The following RAB11FIP3 variants were observed in gnomAD, a reference collection of about 807,000 sequenced individuals.
RAB11FIP3 encodes rab11 family-interacting protein 3.
A neutral mutation model predicts 77.8 loss-of-function variants in RAB11FIP3; 17 were observed. The observed-to-expected ratio is 0.22, with a 90% CI of 0.15 to 0.33. The LOEUF (loss-of-function observed/expected upper bound fraction) is 0.33. Ranked by LOEUF, RAB11FIP3 falls within the 10% of genes least tolerant of loss-of-function variation. The pLI, the probability that RAB11FIP3 is intolerant of heterozygous loss-of-function variation, is 1.00. For missense variants in RAB11FIP3, 1,005 were observed against 1,011.2 expected (o/e 0.99, Z 0.08); for synonymous variants, 437 against 448.2 (o/e 0.98, Z 0.31).
Position 426,000 on chromosome 16 carries a change from C to G in RAB11FIP3, c.-7C>G, listed in dbSNP as rs2054932486. The G allele has an allele frequency of 2.0e-6, 2 of 982,718 alleles. No homozygotes were observed. Among genetic ancestry groups the G allele is most frequent in the African/African-American group, 1.8e-5 (1 of 56,556 alleles). The allele number at this position is 982,718 out of a possible 1,614,324, so 60.9% of individuals were successfully genotyped here. A position where few individuals can be genotyped will look rare whatever the true frequency, so the allele number is the denominator to read the frequency against. ...GCGCCCTTCCGCACCACTAGCCTCT[C>G]GGGAGCATGGCGTCGGCCCCGCCGG... On this transcript the variant is annotated 5_prime_UTR_variant, in exon 1 of 14. Transcript: ENST00000262305.
At chr16:511,927 C>T (rs1596298704) in intron 9 of RAB11FIP3, among the ~76,000 whole-genome samples, 1 of 139,796 alleles carries the variant, frequency 7.2e-6, no homozygotes, top group Admixed American at 7.1e-5. Flanking sequence ...GGAGAAGTTC[C>T]CCGACGGCCC....
intron 1 of RAB11FIP3, among the ~76,000 whole-genome samples, chr16:459,970 C>T (rs771240803): frequency 3.3e-5 from 5 of 150,976 alleles, no homozygotes; most frequent in South Asian, 2.1e-4. Context: ...TTCTGCCTTC[C>T]GGGTTTAAGC....
intron 1 of RAB11FIP3, among the ~76,000 whole-genome samples, chr16:454,945 G>T (rs2055471219): frequency 1.3e-5 from 2 of 151,606 alleles, no homozygotes; most frequent in African/African-American, 4.9e-5. Context: ...AGTTACTTGG[G>T]AGGCTGAGGC....
rs1233833566 is a variant in RAB11FIP3, at chr16:514,131, A to G, written c.1640+3331A>G. Among the ~76,000 whole-genome samples the G allele has an allele frequency of 6.6e-6, 1 of 152,054 alleles. No homozygotes were observed. Among genetic ancestry groups the G allele is most frequent in the African/African-American group, 2.4e-5 (1 of 41,404 alleles). Reference sequence around the variant, plus strand: ...TGTGAGCAAGCCGCCTGCCCACCCTAAGCGCTTGGGGTCAGTGCCACCGTG... The same window carrying G: ...TGTGAGCAAGCCGCCTGCCCACCCTGAGCGCTTGGGGTCAGTGCCACCGTG... On this transcript the variant is annotated intron_variant, in intron 9 of 13. Transcript: ENST00000262305. The surrounding 1 kb of genome is among the most constrained non-coding windows in gnomAD (Gnocchi z 4.6).
chr16:428,713 C>T (rs2054991081), intron 1 of RAB11FIP3, among the ~76,000 whole-genome samples: 1 of 152,102 alleles, frequency 6.6e-6, no homozygotes, highest in Non-Finnish European at 1.5e-5. Context: ...TGTGGTGGCT[C>T]ACAATATCCC....
At chr16:502,967 T>C in intron 6 of RAB11FIP3, 37 bp from the exon 7 acceptor site, 1 of 1,516,888 alleles carries the variant, frequency 6.6e-7, no homozygotes, top group East Asian at 2.3e-5. Context: ...CTGTGGTTTT[T>C]CCCTTTCTTC....
At chr16:440,791 C>T (rs1216299109) in intron 1 of RAB11FIP3, among the ~76,000 whole-genome samples, 2 of 152,226 alleles carry the variant, frequency 1.3e-5, no homozygotes, top group Admixed American at 6.5e-5. Flanking sequence ...CCCTGCCATC[C>T]CTGCTGGTTC....
At chr16:446,900 C>G (rs1449472249) in intron 1 of RAB11FIP3, among the ~76,000 whole-genome samples, 1 of 152,008 alleles carries the variant, frequency 6.6e-6, no homozygotes, top group Non-Finnish European at 1.5e-5. Flanking sequence ...GGGGTTTCAC[C>G]ATGTTGGCCA....
At position 492,505 on chromosome 16, in the gene RAB11FIP3, C is replaced by T. The variant is rs571475327; in HGVS notation, c.1265+3505C>T. Reference sequence around the variant, plus strand: ...AGGGCCCTCCCGGGAGACCCGAGGCCGCCCAGGGCCCTCCCGGGAGACCCG... The same window carrying T: ...AGGGCCCTCCCGGGAGACCCGAGGCTGCCCAGGGCCCTCCCGGGAGACCCG... On this transcript the variant is annotated intron_variant, in intron 5 of 13. Coordinates refer to ENST00000262305, the MANE Select transcript of RAB11FIP3 (RefSeq NM_014700.4). 2.1e-4 allele frequency among the ~76,000 whole-genome samples: 23 copies of T among 110,664 alleles called. 1 individual carries two copies. The highest frequency in any genetic ancestry group is 6.5e-4 in the African/African-American group (22 of 33,870). 72.6% of individuals were successfully genotyped at this position (110,664 alleles called of 152,430 possible). A position where few individuals can be genotyped will look rare whatever the true frequency, so the allele number is the denominator to read the frequency against.
At chr16:497,174 C>T (rs1252442181) in intron 6 of RAB11FIP3, 26 of 915,238 alleles carry the variant, frequency 2.8e-5, no homozygotes, top group South Asian at 6.1e-5. Flanking sequence ...TCTGAGGTAG[C>T]GAGACCCAGT....
intron 5 of RAB11FIP3, among the ~76,000 whole-genome samples, chr16:492,418 G>GA (rs1174415506): frequency 4.1e-4 from 58 of 141,886 alleles, no homozygotes; most frequent in African/African-American, 6.9e-4. Flanking sequence ...AGGCCGCCCA[G>GA]GGCCCTCCCC....
At chr16:468,811 A>G (rs184627778) in intron 2 of RAB11FIP3, among the ~76,000 whole-genome samples, 1 of 152,336 alleles carries the variant, frequency 6.6e-6, no homozygotes, top group East Asian at 1.9e-4. Context: ...TTTAGTTTTT[A>G]TAAGGAAAAC....
In RAB11FIP3 at chr16:460,546, G is replaced by A. The variant is rs148318120; in HGVS notation, c.715-858G>A. ...AATAAACCTGCATTCTTTCTGAAGA[G>A]TTTCATTTTGTGTTACGTCCATGTG... On this transcript the variant is annotated intron_variant, in intron 1 of 13. Transcript: ENST00000262305. 1.9e-3 allele frequency among the ~76,000 whole-genome samples: 292 copies of A among 151,862 alleles called. 4 individuals carry two copies. The highest frequency in any genetic ancestry group is 6.3e-3 in the African/African-American group (261 of 41,440).
chr16:474,879 T>C (rs1307230968), intron 3 of RAB11FIP3: 24 of 1,471,316 alleles, frequency 1.6e-5, no homozygotes, highest in Non-Finnish European at 2.1e-5. Flanking sequence ...CAGGTTAAAC[T>C]TTCTCCTAGG....
intron 7 of RAB11FIP3, among the ~76,000 whole-genome samples, chr16:503,543 A>G (rs1206848898): frequency 2.6e-5 from 4 of 152,050 alleles, no homozygotes; most frequent in Non-Finnish European, 5.9e-5. Context: ...CTTGAATGGA[A>G]TGGGTGACAG....
Position 521,110 on chromosome 16 carries a change from T to C in RAB11FIP3, c.*271T>C. ...CAGGGCCGTCCATCAGCGCTGACCT[T>C]CCGGGGGCCCAGAGCTTCCCAGCCC... On this transcript the variant is annotated 3_prime_UTR_variant, in exon 14 of 14. Coordinates refer to ENST00000262305, the MANE Select transcript of RAB11FIP3 (RefSeq NM_014700.4). The C allele has an allele frequency of 1.9e-6, 1 of 526,962 alleles. No individual in the cohort carries two copies. Among genetic ancestry groups the C allele is most frequent in the Non-Finnish European group, 3.4e-6 (1 of 291,616 alleles). 32.6% of individuals were successfully genotyped at this position (526,962 alleles called of 1,614,324 possible). A position where few individuals can be genotyped will look rare whatever the true frequency, so the allele number is the denominator to read the frequency against.
At chr16:446,684 A>G (rs1183440062) in intron 1 of RAB11FIP3, among the ~76,000 whole-genome samples, 1 of 151,752 alleles carries the variant, frequency 6.6e-6, no homozygotes, top group East Asian at 1.9e-4. Context: ...CTTTTTATTC[A>G]TATATCTCAA....
chr16:493,500 C>T (rs975694453), intron 5 of RAB11FIP3, among the ~76,000 whole-genome samples: 4 of 152,188 alleles, frequency 2.6e-5, no homozygotes, highest in South Asian at 2.1e-4. Flanking sequence ...GATGTCCAGT[C>T]GCCTCAGAAC....
At chr16:501,473 A>C (rs1381319436) in intron 6 of RAB11FIP3, among the ~76,000 whole-genome samples, 1 of 143,228 alleles carries the variant, frequency 7.0e-6, no homozygotes, top group African/African-American at 2.6e-5. Context: ...CCCCCATTTC[A>C]TAGGCAAGGA....
Sources: allele counts gnomAD v4.1 joint callset (sites outside exome capture counted in the v4.1 genomes callset), GRCh38; gene constraint gnomAD v4.1.1; non-coding constraint Gnocchi (gnomAD v3.1); transcripts MANE v1.5; gene names NCBI Gene and HGNC (gene_info 2026-07-23, HGNC 2026-07-21).